The following CNKSR2 variants were observed in gnomAD, a reference collection of about 807,000 sequenced individuals.
CNKSR2 encodes the protein CNK homolog protein 2.
A neutral mutation model predicts 84.4 loss-of-function variants in CNKSR2; 14 were observed. The observed-to-expected ratio is 0.17, with a 90% CI of 0.11 to 0.26. The LOEUF (loss-of-function observed/expected upper bound fraction) is 0.26, where lower values mean the gene tolerates loss of function less well. CNKSR2 is among the 10% of genes least tolerant of loss of function. The pLI is 1.00. For missense variants in CNKSR2, 485 were observed against 771.2 expected (o/e 0.63, Z 4.40); for synonymous variants, 275 against 277.9 (o/e 0.99, Z 0.10).
chrX:21,407,494 A>G (rs1179042857), intron 1 of CNKSR2, among the ~76,000 whole-genome samples: 1 of 110,467 alleles, frequency 9.1e-6, no homozygotes, highest in African/African-American at 3.3e-5. Flanking sequence ...TTCTTTTTCT[A>G]TTGTGTTCTC....
intron 1 of CNKSR2, among the ~76,000 whole-genome samples, chrX:21,412,249 C>G (rs2090355172): frequency 8.9e-6 from 1 of 112,002 alleles, no homozygotes; most frequent in Admixed American, 9.5e-5. Context: ...ATTACCACTT[C>G]CTCTTACCTC....
At chrX:21,579,569 A>G (rs1469663341) in intron 13 of CNKSR2, among the ~76,000 whole-genome samples, 1 of 112,143 alleles carries the variant, frequency 8.9e-6, no homozygotes, top group African/African-American at 3.2e-5. Context: ...AATGTCCTCA[A>G]TTTTTATCAT....
chrX:21,415,014 G>A (rs1200071824), intron 1 of CNKSR2, among the ~76,000 whole-genome samples: 1 of 111,687 alleles, frequency 9.0e-6, no homozygotes, highest in Non-Finnish European at 1.9e-5. Context: ...TTTTGCTTAG[G>A]ATAGCTTTGG....
intron 1 of CNKSR2, among the ~76,000 whole-genome samples, chrX:21,419,121 TAGCC>T (rs1173080321): frequency 9.1e-6 from 1 of 110,477 alleles, no homozygotes; most frequent in East Asian, 2.9e-4. Flanking sequence ...CATTTTCAAA[TAGCC>T]AGTCTTCAAG....
intron 9 of CNKSR2, among the ~76,000 whole-genome samples, chrX:21,520,940 A>AT (rs1246930338): frequency 9.1e-6 from 1 of 109,990 alleles, no homozygotes; most frequent in Non-Finnish European, 1.9e-5. Flanking sequence ...CCTTGATGCC[A>AT]TTTTTAGAGC....
chrX:21,438,864 A>T (rs1007619320), intron 3 of CNKSR2, among the ~76,000 whole-genome samples: 1 of 111,595 alleles, frequency 9.0e-6, no homozygotes, highest in African/African-American at 3.3e-5. Context: ...ACAGATGAGT[A>T]TATAAGTAGG....
intron 1 of CNKSR2, among the ~76,000 whole-genome samples, chrX:21,406,436 T>C (rs780646300): frequency 9.0e-6 from 1 of 111,687 alleles, no homozygotes; most frequent in Non-Finnish European, 1.9e-5. Flanking sequence ...AATAAAAATG[T>C]AGTTTTAGCC....
chrX:21,549,219 C>A (rs891830016), intron 11 of CNKSR2, among the ~76,000 whole-genome samples: 2 of 112,517 alleles, frequency 1.8e-5, no homozygotes, highest in Non-Finnish European at 3.8e-5. Flanking sequence ...GCAACTTCAG[C>A]AAAGTCTCAG....
intron 17 of CNKSR2, 69 bp downstream of exon 17, chrX:21,595,464 A>G (rs1463211149): frequency 3.2e-6 from 2 of 620,079 alleles, no homozygotes; most frequent in East Asian, 3.4e-5. Flanking sequence ...AGTAATTCTT[A>G]GAGAATAATG....
intron 20 of CNKSR2, among the ~76,000 whole-genome samples, chrX:21,647,744 T>G (rs1487108641): frequency 8.9e-6 from 1 of 112,136 alleles, no homozygotes; most frequent in Non-Finnish European, 1.9e-5. Flanking sequence ...TCATTACCAA[T>G]TAAGGAATCT....
intron 11 of CNKSR2, among the ~76,000 whole-genome samples, chrX:21,555,424 C>G (rs187023881): frequency 9.0e-6 from 1 of 111,570 alleles, no homozygotes; most frequent in East Asian, 2.8e-4. Context: ...ATCGTTCATT[C>G]TTATTTTACT....
intron 13 of CNKSR2, 106 bp from the exon 14 acceptor site, chrX:21,590,466 C>G: frequency 1.5e-6 from 1 of 660,615 alleles, no homozygotes; most frequent in Non-Finnish European, 2.2e-6. Flanking sequence ...CTTCCCCTAA[C>G]AGTGTTTAGA....
intron 8 of CNKSR2, among the ~76,000 whole-genome samples, chrX:21,507,018 A>G (rs1389795886): frequency 9.2e-6 from 1 of 108,521 alleles, no homozygotes; most frequent in African/African-American, 3.3e-5. Flanking sequence ...CATAAAAGGA[A>G]GAGTCTGCCA....
chrX:21,590,618 A>G lies in CNKSR2; in HGVS notation c.1655A>G (p.Lys552Arg). 5.0e-6 allele frequency: 6 copies of G among 1,206,240 alleles called. No homozygotes were observed. The highest frequency in any genetic ancestry group is 6.7e-6 in the Non-Finnish European group (6 of 891,552). Residue 552 changes from lysine (K) to arginine (R), a missense_variant and splice_region_variant, in exon 14 of 22, where the codon AAA becomes AGA. Lys to Arg is a conservative substitution (Grantham distance 26). Transcript: ENST00000379510. ...SLQHKSKKKN[K>R]GPIAGKSKRR... ...CAGCACAAATCAAAGAAGAAAAACA[A>G]AGGTAAGAAAAGGAAATGAAACCTT... is the stretch of plus-strand genomic sequence containing the variant.
intron 8 of CNKSR2, among the ~76,000 whole-genome samples, 169 bp from the exon 9 acceptor site, chrX:21,516,316 G>T (rs971157121): frequency 9.0e-6 from 1 of 111,016 alleles, no homozygotes; most frequent in Non-Finnish European, 1.9e-5. Context: ...CAATAATATG[G>T]TTAATCAATT....
intron 1 of CNKSR2, among the ~76,000 whole-genome samples, chrX:21,392,321 G>A (rs1006499686): frequency 2.7e-5 from 3 of 111,583 alleles, no homozygotes; most frequent in Non-Finnish European, 3.8e-5. Flanking sequence ...CCGTTCTCAC[G>A]TTGCTAGTAA....
intron 1 of CNKSR2, among the ~76,000 whole-genome samples, chrX:21,399,395 G>A (rs1192000437): frequency 9.0e-6 from 1 of 111,206 alleles, no homozygotes; most frequent in Non-Finnish European, 1.9e-5. Context: ...CAAATGAAAG[G>A]AAATTTATTT....
chrX:21,643,707 T>G (rs1183424550), intron 20 of CNKSR2: 1 of 111,597 alleles, frequency 9.0e-6, no homozygotes, highest in East Asian at 2.8e-4. Flanking sequence ...TTACTTTGCC[T>G]AAAAGAAAAT....
At chrX:21,598,330 A>G (rs2092461808) in intron 17 of CNKSR2, among the ~76,000 whole-genome samples, 1 of 111,205 alleles carries the variant, frequency 9.0e-6, no homozygotes, top group Admixed American at 9.6e-5. Context: ...TTACCATGTC[A>G]GTACACATGT....
Sources: gnomAD v4.1 joint callset for allele counts (sites outside exome capture counted in the v4.1 genomes callset) on GRCh38, gnomAD v4.1.1 for gene constraint, MANE v1.5 for transcripts, NCBI Gene and HGNC (gene_info 2026-07-23, HGNC 2026-07-21) for gene names.